Variants in RC3H1 observed in about 807,000 individuals in gnomAD.
RC3H1 encodes ring finger and CCCH-type domains 1.
In RC3H1, 50 loss-of-function variants were observed where a neutral mutation model predicts 138.2. That is an observed-to-expected ratio of 0.36 (90% CI 0.29 to 0.46). The LOEUF (loss-of-function observed/expected upper bound fraction) is 0.46. RC3H1 is among the 20% of genes least tolerant of loss of function. The pLI is 1.00. For missense variants in RC3H1, 1,031 were observed against 1,388.1 expected, an observed-to-expected ratio of 0.74 and a Z score of 4.09; for synonymous variants, 462 against 489.1, an observed-to-expected ratio of 0.94 and a Z score of 0.73.
chr1:173,990,855 G>C (rs1661255343), intron 2 of RC3H1, among the ~76,000 whole-genome samples: 1 of 152,134 alleles, frequency 6.6e-6, no homozygotes, highest in African/African-American at 2.4e-5. Context: ...ACCCGCCTCG[G>C]CCTCCCAAAG....
chr1:173,949,799 AAAT>A (rs1659307279), intron 14 of RC3H1, among the ~76,000 whole-genome samples: 2 of 152,228 alleles, frequency 1.3e-5, no homozygotes, highest in South Asian at 4.1e-4. Flanking sequence ...CCAATACAAA[AAAT>A]AATCATTGTA....
In RC3H1 at chr1:173,937,932, TAATTAA is replaced by T. The variant is rs923729626; in HGVS notation, c.*783_*788del. ...TTAATTCTTGATCAACATTTAAATCTAATTAAACACTGAATCAGCTTTCTGATTATA... is the reference window on the plus strand; with the variant it reads ...TTAATTCTTGATCAACATTTAAATCTACACTGAATCAGCTTTCTGATTATA... On this transcript the variant is annotated 3_prime_UTR_variant, in exon 20 of 20. Transcript: ENST00000367696. The T allele has an allele frequency of 9.9e-5, 15 of 152,192 alleles. No homozygotes were observed. The highest frequency in any genetic ancestry group is 3.6e-4 in the African/African-American group (15 of 41,440). 9.4% of individuals were successfully genotyped at this position (152,192 alleles called of 1,614,324 possible).
intron 3 of RC3H1, among the ~76,000 whole-genome samples, chr1:173,984,244 T>C (rs1245920778): frequency 2.0e-5 from 3 of 152,262 alleles, no homozygotes; most frequent in Non-Finnish European, 2.9e-5. Flanking sequence ...TTTTATTTGA[T>C]GTGGTTTGTG....
intron 1 of RC3H1, among the ~76,000 whole-genome samples, chr1:174,003,851 C>T (rs988321768): frequency 2.0e-5 from 3 of 151,364 alleles, no homozygotes; most frequent in African/African-American, 2.4e-5. Flanking sequence ...TTAGTAGAGA[C>T]GGGGTTTCAC....
At chr1:173,996,410 C>T (rs1257149590) in intron 1 of RC3H1, among the ~76,000 whole-genome samples, 1 of 152,122 alleles carries the variant, frequency 6.6e-6, no homozygotes, top group Non-Finnish European at 1.5e-5. Flanking sequence ...TGAAAAGACA[C>T]TCAACAAGCT....
intron 1 of RC3H1, among the ~76,000 whole-genome samples, chr1:174,009,949 A>G (rs761745979): frequency 5.9e-5 from 9 of 152,168 alleles, no homozygotes; most frequent in Non-Finnish European, 1.2e-4. Context: ...CAATGAGCCT[A>G]TTTGGTCTCA....
chr1:173,966,280 A>C (rs1355117151), intron 9 of RC3H1, among the ~76,000 whole-genome samples: 5 of 152,244 alleles, frequency 3.3e-5, no homozygotes, highest in Non-Finnish European at 7.3e-5. Context: ...GCCTGGGTTT[A>C]AAGAGATGCT....
At chr1:173,985,321 C>CT (rs1402549581) in intron 2 of RC3H1, among the ~76,000 whole-genome samples, 6 of 147,000 alleles carry the variant, frequency 4.1e-5, no homozygotes, top group African/African-American at 5.3e-5. Context: ...TTGGTATATA[C>CT]CTAGGAGTCT....
chr1:174,005,345 C>G (rs1028637455), intron 1 of RC3H1, among the ~76,000 whole-genome samples: 1 of 152,156 alleles, frequency 6.6e-6, no homozygotes, highest in African/African-American at 2.4e-5. Flanking sequence ...TGCTGACTCA[C>G]AGAATTGTAA....
At chr1:174,008,724 C>T (rs1661697080) in intron 1 of RC3H1, among the ~76,000 whole-genome samples, 1 of 152,088 alleles carries the variant, frequency 6.6e-6, no homozygotes, top group South Asian at 2.1e-4. Flanking sequence ...CACCTGTAAT[C>T]CCAGCACTCT....
intron 2 of RC3H1, 50 bp from the exon 3 acceptor site, chr1:173,984,669 TTTA>T: frequency 6.3e-7 from 1 of 1,587,644 alleles, no homozygotes; most frequent in Non-Finnish European, 8.5e-7. Context: ...CATTAATTGT[TTTA>T]TTTAGTATAG....
chr1:174,009,211 AAACAGAT>A (rs1661708075), intron 1 of RC3H1: 2 of 152,318 alleles, frequency 1.3e-5, no homozygotes, highest in South Asian at 4.1e-4. Context: ...ATTGCACAAT[AAACAGAT>A]AAGTCTATTT....
chr1:173,972,612 G>A lies in RC3H1; in HGVS notation c.1118C>T (p.Thr373Ile), dbSNP rs781237369. The change falls in exon 8 of 20, where the codon ACT (threonine) becomes ATT (isoleucine). Residue 373 changes from threonine to isoleucine, a missense_variant. This residue lies in a region of RC3H1 where 142 missense variants were observed against 224.6 expected (regional missense o/e 0.63). Coordinates refer to ENST00000367696, the MANE Select transcript of RC3H1 (RefSeq NM_172071.4). ...IDPSPDAPPP[T>I]WEQLENGLVA... ...CAGCCCATTTTCCAGCTGTTCCCAA[G>A]TAGGAGGAGGAGCATCTATACAACC... 5 of 1,611,312 alleles carry A rather than the reference G, an allele frequency of 3.1e-6. No homozygotes were observed. In the South Asian group the frequency reaches 5.5e-5, roughly 18 times the overall value.
chr1:174,011,238 TAATG>T (rs1661742520), intron 1 of RC3H1, among the ~76,000 whole-genome samples: 1 of 151,814 alleles, frequency 6.6e-6, no homozygotes, highest in Non-Finnish European at 1.5e-5. Flanking sequence ...CTAACTCAGA[TAATG>T]AATAAATCCA....
intron 9 of RC3H1, among the ~76,000 whole-genome samples, chr1:173,967,074 C>A (rs542271701): frequency 6.6e-6 from 1 of 152,292 alleles, no homozygotes. Context: ...GTAATCCCAG[C>A]ACTTTGGGAG....
At chr1:174,021,904 C>T (rs1571247484) in intron 1 of RC3H1, among the ~76,000 whole-genome samples, 192 bp downstream of exon 1, 1 of 152,354 alleles carries the variant, frequency 6.6e-6, no homozygotes, top group Non-Finnish European at 1.5e-5. Flanking sequence ...TAAAGGACGC[C>T]GGCCACTGAC....
intron 7 of RC3H1, among the ~76,000 whole-genome samples, chr1:173,975,673 C>T (rs1028204420): frequency 6.6e-5 from 4 of 60,354 alleles, no homozygotes; most frequent in African/African-American, 5.2e-4. Context: ...CCGAGGCGGG[C>T]GGATCACGAG....
intron 1 of RC3H1, among the ~76,000 whole-genome samples, chr1:174,021,189 T>C (rs1259111400): frequency 6.6e-6 from 1 of 152,236 alleles, no homozygotes; most frequent in Admixed American, 6.5e-5. Flanking sequence ...ATGTTGCTTC[T>C]TATACTGCAT....
rs570735023 is a variant in RC3H1, at chr1:173,960,036, A to T, written c.2370+1041T>A. ...GGCAGGAGAATCATTTGAACCCAGG[A>T]GGTGGAGGTTGCAGTGAGTTGAGAT... On this transcript the variant is annotated intron_variant, in intron 13 of 19. Coordinates refer to ENST00000367696, the MANE Select transcript of RC3H1 (RefSeq NM_172071.4). 1.6e-4 allele frequency among the ~76,000 whole-genome samples: 22 copies of T among 133,548 alleles called. No individual in the cohort carries two copies. In the South Asian group the frequency reaches 5.5e-3, roughly 34 times the overall value. 87.6% of individuals were successfully genotyped at this position (133,548 alleles called of 152,430 possible).
Sources: gnomAD v4.1 joint callset for allele counts (sites outside exome capture counted in the v4.1 genomes callset) on GRCh38, gnomAD v4.1.1 for gene constraint, gnomAD v4.1.1 regional missense constraint, MANE v1.5 for transcripts, NCBI Gene and HGNC (gene_info 2026-07-23, HGNC 2026-07-21) for gene names.